The following JPH4 variants were observed in gnomAD, a reference collection of about 807,000 sequenced individuals.
JPH4 encodes the protein junctophilin 4, also known as junctophilin-4.
A neutral mutation model predicts 57.6 loss-of-function variants in JPH4; 18 were observed. The observed-to-expected ratio is 0.31, with a 90% CI of 0.22 to 0.46. The LOEUF is 0.46. JPH4 is among the 20% of genes least tolerant of loss of function. The pLI is 1.00. For missense variants in JPH4, 727 were observed against 911.1 expected (o/e 0.80, Z 2.60); for synonymous variants, 425 against 406.6 (o/e 1.05, Z -0.54).
chr14:23,578,719 G>C lies in JPH4; in HGVS notation c.-711C>G. 1 of 151,914 alleles carries C rather than the reference G, an allele frequency of 6.6e-6. No individual in the cohort carries two copies. The highest frequency in any genetic ancestry group is 1.5e-5 in the Non-Finnish European group (1 of 68,198). 9.4% of individuals were successfully genotyped at this position (151,914 alleles called of 1,614,324 possible). ...TTGCGGGTGGTGGTGGGGTCCCCAAGCAGAAAAGGATGGGTGTCCGCTAAC... is the reference window on the plus strand; with the variant it reads ...TTGCGGGTGGTGGTGGGGTCCCCAACCAGAAAAGGATGGGTGTCCGCTAAC... On this transcript the variant is annotated 5_prime_UTR_variant, in exon 1 of 6. Transcript: ENST00000356300.
At position 23,576,932 on chromosome 14, in the gene JPH4, TG is replaced by T; in HGVS notation, c.379+142del. The T allele has an allele frequency of 1.1e-6, 1 of 934,604 alleles. No homozygotes were observed. The highest frequency in any genetic ancestry group is 2.1e-5 in the South Asian group (1 of 48,506). The allele number at this position is 934,604 out of a possible 1,614,324, so 57.9% of individuals were successfully genotyped here. On this transcript the variant is annotated intron_variant, in intron 2 of 5. Coordinates refer to ENST00000356300, the MANE Select transcript of JPH4 (RefSeq NM_001146028.2). This position sits in a 1 kb window ranked among gnomAD's most constrained non-coding sequence, Gnocchi z 8.0. ...AATCATGGTGGGAGAGAGCAGAAAT[TG>T]GGGGCTGGGGGTCACATCGATGGGG...
Position 23,569,309 on chromosome 14 carries a change from G to A in JPH4, c.*325C>T, listed in dbSNP as rs1474509314. ...AAAAGGTGGGAGGGCGTGGAGCAATGGTCTGACTTAGATTTGTGTGTCTCA... is the reference window on the plus strand; with the variant it reads ...AAAAGGTGGGAGGGCGTGGAGCAATAGTCTGACTTAGATTTGTGTGTCTCA... On this transcript the variant is annotated 3_prime_UTR_variant, in exon 6 of 6. Transcript: ENST00000356300. The surrounding 1 kb of genome is among the most constrained non-coding windows in gnomAD (Gnocchi z 4.8). The A allele has an allele frequency of 8.7e-6, 3 of 345,400 alleles. No individual in the cohort carries two copies. In the East Asian group the frequency reaches 2.4e-4, roughly 28 times the overall value. 21.4% of individuals were successfully genotyped at this position (345,400 alleles called of 1,614,324 possible). A position where few individuals can be genotyped will look rare whatever the true frequency, so the allele number is the denominator to read the frequency against.
At position 23,569,823 on chromosome 14, in the gene JPH4, A is replaced by T. The variant is rs1300870314; in HGVS notation, c.1804-106T>A. 5.9e-6 allele frequency: 4 copies of T among 676,298 alleles called. No individual in the cohort carries two copies. In the East Asian group the frequency reaches 1.1e-4, roughly 19 times the overall value. 41.9% of individuals were successfully genotyped at this position (676,298 alleles called of 1,614,324 possible). A position where few individuals can be genotyped will look rare whatever the true frequency, so the allele number is the denominator to read the frequency against. On this transcript the variant is annotated intron_variant, in intron 5 of 5. Coordinates refer to ENST00000356300, the MANE Select transcript of JPH4 (RefSeq NM_001146028.2). This position sits in a 1 kb window ranked among gnomAD's most constrained non-coding sequence, Gnocchi z 4.8. ...AAGGGTCTCAGGCACCTCCCTGCAC[A>T]GCCTGGAGCAGGGGGATCGCCAACA...
rs567908782 is a variant in JPH4 at position 23,569,424 on chromosome 14, T to A, written c.*210A>T. 16 of 569,138 alleles carry A rather than the reference T, an allele frequency of 2.8e-5. No homozygotes were observed. In the African/African-American group the frequency reaches 3.1e-4, roughly 11 times the overall value. 35.3% of individuals were successfully genotyped at this position (569,138 alleles called of 1,614,324 possible). A position where few individuals can be genotyped will look rare whatever the true frequency, so the allele number is the denominator to read the frequency against. On this transcript the variant is annotated 3_prime_UTR_variant, in exon 6 of 6. Coordinates refer to ENST00000356300, the MANE Select transcript of JPH4 (RefSeq NM_001146028.2). The surrounding 1 kb of genome is among the most constrained non-coding windows in gnomAD (Gnocchi z 4.8). ...TTGGGATGGGGAAGGGAGTGAGGAA[T>A]ACAGAGACAGATCCAGAAGAAATGA...
chr14:23,575,692 C>T lies in JPH4; in HGVS notation c.1144G>A (p.Ala382Thr), dbSNP rs747889442. The T allele has an allele frequency of 5.0e-6, 8 of 1,601,690 alleles. No individual in the cohort carries two copies. The highest frequency in any genetic ancestry group is 3.4e-5 in the South Asian group (3 of 88,818). The stretch of plus-strand genomic sequence containing the variant: ...TCTGAACTGGACGCCCACCTGGCAG[C>T]GGCGATCTCCTGGCGCTGACGGGCA... ...SAARQRQEIA[A>T]ARAADALLKA... Residue 382 changes from alanine (A) to threonine (T), a missense_variant, in exon 3 of 6, where the codon GCT (alanine) becomes ACT (threonine). Ala to Thr is a moderately conservative substitution (Grantham distance 58). This residue lies in a region of JPH4 where 112 missense variants were observed against 199.4 expected (regional missense o/e 0.56). Transcript: ENST00000356300. The surrounding 1 kb of genome is among the most constrained non-coding windows in gnomAD (Gnocchi z 6.9).
rs1376779732 is a variant in JPH4, at chr14:23,568,158, G to T, written c.*1476C>A. On this transcript the variant is annotated 3_prime_UTR_variant, in exon 6 of 6. Transcript: ENST00000356300. ...CTTCAATCCCAAATTCCATGAAATA[G>T]AAATCAGAAGTAAAGGTTGAGAGGG... is the stretch of plus-strand genomic sequence containing the variant. 4.1e-6 allele frequency: 4 copies of T among 985,840 alleles called. No homozygotes were observed. The East Asian group carries it at 3.4e-4, about 84-fold the overall frequency. 61.1% of individuals were successfully genotyped at this position (985,840 alleles called of 1,614,324 possible).
chr14:23,572,187 G>A (rs1181299400), intron 3 of JPH4, among the ~76,000 whole-genome samples: 1 of 152,062 alleles, frequency 6.6e-6, no homozygotes, highest in African/African-American at 2.4e-5. Context: ...GCTACGTCCT[G>A]TAGTAACACT....
Position 23,571,746 on chromosome 14 carries a change from G to A in JPH4, c.1270+56C>T. The A allele has an allele frequency of 6.7e-7, 1 of 1,483,304 alleles. No individual in the cohort carries two copies. The highest frequency in any genetic ancestry group is 9.3e-7 in the Non-Finnish European group (1 of 1,070,336). The allele number at this position is 1,483,304 out of a possible 1,614,324, so 91.9% of individuals were successfully genotyped here. A position where few individuals can be genotyped will look rare whatever the true frequency, so the allele number is the denominator to read the frequency against. On this transcript the variant is annotated intron_variant, in intron 4 of 5. Transcript: ENST00000356300. The surrounding 1 kb of genome is among the most constrained non-coding windows in gnomAD (Gnocchi z 4.6). ...TTCTCATCTGTTTCCCCACACCTGA[G>A]CCTCTCTAGCTCCCTAGGGGCCTCA...
In JPH4 at chr14:23,568,730, A is replaced by T; in HGVS notation, c.*904T>A. 1.0e-6 allele frequency: 1 copy of T among 985,956 alleles called. No homozygotes were observed. The highest frequency in any genetic ancestry group is 1.2e-6 in the Non-Finnish European group (1 of 830,000). The allele number at this position is 985,956 out of a possible 1,614,324, so 61.1% of individuals were successfully genotyped here. ...TCAAGTGCCTCTAACCCTCTGCAGT[A>T]GAAATGTCTTCTTCAGGCCCCTTAG... On this transcript the variant is annotated 3_prime_UTR_variant, in exon 6 of 6. Transcript: ENST00000356300.
chr14:23,576,215 C>A lies in JPH4; in HGVS notation c.621G>T (p.Ser207=), dbSNP rs562619796. ...LAGPGDADGA[S]SRKRTPAAGG... The stretch of plus-strand genomic sequence containing the variant: ...CGGCCGCCGGAGTGCGCTTTCGGGA[C>A]GACGCGCCGTCGGCGTCCCCGGGCC... The change falls in exon 3 of 6, where the codon TCG becomes TCT. Residue 207 remains serine (S), a synonymous_variant. Transcript: ENST00000356300. This position sits in a 1 kb window ranked among gnomAD's most constrained non-coding sequence, Gnocchi z 8.0. The A allele has an allele frequency of 5.2e-3, 6,574 of 1,275,788 alleles. 27 individuals carry two copies. The highest frequency in any genetic ancestry group is 0.011 in the Middle Eastern group (38 of 3,364). The allele number at this position is 1,275,788 out of a possible 1,614,324, so 79.0% of individuals were successfully genotyped here.
rs939876888 is a variant in JPH4 at position 23,569,603 on chromosome 14, A to T, written c.*31T>A. ...GGTCAAAGGGGTGAAGAGGCACGCA[A>T]CCAAAGCCAGAACCAGGCCAGGAAG... On this transcript the variant is annotated 3_prime_UTR_variant, in exon 6 of 6. Transcript: ENST00000356300. The surrounding 1 kb of genome is among the most constrained non-coding windows in gnomAD (Gnocchi z 4.8). 29 of 1,519,814 alleles carry T rather than the reference A, an allele frequency of 1.9e-5. No individual in the cohort carries two copies. The Admixed American group carries it at 2.7e-4, about 14-fold the overall frequency. The allele number at this position is 1,519,814 out of a possible 1,614,324, so 94.1% of individuals were successfully genotyped here. A position where few individuals can be genotyped will look rare whatever the true frequency, so the allele number is the denominator to read the frequency against.
intron 3 of JPH4, chr14:23,572,854 GGC>G (rs1421547313): frequency 2.8e-6 from 2 of 702,398 alleles, no homozygotes; most frequent in African/African-American, 3.5e-5. Context: ...CTTAGGTGCA[GGC>G]AGCCTGGGAG....
rs1218115175 is a variant in JPH4, at chr14:23,578,672, TGAA to T, written c.-667_-665del. On this transcript the variant is annotated 5_prime_UTR_variant, in exon 1 of 6. Transcript: ENST00000356300. ...AGAGGGTGGGTAGAGAAGGATACGG[TGAA>T]GAAGAGACAGCGGCAGTGTTGCGGG... is the stretch of plus-strand genomic sequence containing the variant. 1.3e-5 allele frequency: 2 copies of T among 150,384 alleles called. No individual in the cohort carries two copies. The highest frequency in any genetic ancestry group is 6.6e-5 in the Admixed American group (1 of 15,068). The allele number at this position is 150,384 out of a possible 1,614,324, so 9.3% of individuals were successfully genotyped here.
rs1889128230 is a variant in JPH4 at position 23,571,119 on chromosome 14, TGTC to T, written c.1609_1611del (p.Asp537del). On this transcript the variant is annotated inframe_deletion, in exon 5 of 6. Coordinates refer to ENST00000356300, the MANE Select transcript of JPH4 (RefSeq NM_001146028.2). This position sits in a 1 kb window ranked among gnomAD's most constrained non-coding sequence, Gnocchi z 4.6. ...TCCTCCTCTCGAAGACTTCCTGAAC[TGTC>T]GCTGCAGCCTCCGAGGAGTGGGGAA... 1 of 1,613,984 alleles carries T rather than the reference TGTC, an allele frequency of 6.2e-7. No homozygotes were observed. Among genetic ancestry groups the T allele is most frequent in the Admixed American group, 1.7e-5 (1 of 59,996 alleles).
Position 23,576,098 on chromosome 14 carries a change from G to A in JPH4, c.738C>T (p.Ser246=). ...SLGSKRGSLR[S]EVSSEVGSTG... is the part of the protein sequence containing the mutation. Reference sequence around the variant, plus strand: ...TGCTGCCCACCTCGCTGCTCACCTCGCTGCGCAGGGAGCCTCGCTTGCTGC... The same window carrying A: ...TGCTGCCCACCTCGCTGCTCACCTCACTGCGCAGGGAGCCTCGCTTGCTGC... Residue 246 remains serine (S), a synonymous_variant, in exon 3 of 6, where the codon AGC becomes AGT. Coordinates refer to ENST00000356300, the MANE Select transcript of JPH4 (RefSeq NM_001146028.2). This position sits in a 1 kb window ranked among gnomAD's most constrained non-coding sequence, Gnocchi z 8.0. 7.7e-7 allele frequency: 1 copy of A among 1,299,950 alleles called. No individual in the cohort carries two copies. 80.5% of individuals were successfully genotyped at this position (1,299,950 alleles called of 1,614,324 possible).
chr14:23,571,565 G>A lies in JPH4; in HGVS notation c.1271-105C>T. On this transcript the variant is annotated intron_variant, in intron 4 of 5. Transcript: ENST00000356300. The surrounding 1 kb of genome is among the most constrained non-coding windows in gnomAD (Gnocchi z 4.6). ...ACTTCCCAGGACTTTGGAATTCCCA[G>A]GCTCATAGCCTCTCACCGCCAGACC... 7.2e-7 allele frequency: 1 copy of A among 1,385,452 alleles called. No individual in the cohort carries two copies. Among genetic ancestry groups the A allele is most frequent in the Non-Finnish European group, 9.8e-7 (1 of 1,020,310 alleles). 85.8% of individuals were successfully genotyped at this position (1,385,452 alleles called of 1,614,324 possible).
In JPH4 at chr14:23,571,272, C is replaced by A; in HGVS notation, c.1459G>T (p.Gly487Cys). Reference sequence around the variant, plus strand: ...CAAGCTTTGGGGCTGGAGAAGGGACCCTGGTCCCCTCCAGGAGGCAGTGGG... The same window carrying A: ...CAAGCTTTGGGGCTGGAGAAGGGACACTGGTCCCCTCCAGGAGGCAGTGGG... ...RSPLPPGGDQ[G>C]PFSSPKAWPE... Residue 487 changes from glycine to cysteine, a missense_variant, in exon 5 of 6, where the codon GGT becomes TGT. Physicochemically the swap from Gly to Cys is radical, Grantham distance 159 (BLOSUM62 -3). Around this residue, in one of 7 missense-constraint regions of JPH4, gnomAD observed 293 missense variants for 279.8 expected, o/e 1.05. Coordinates refer to ENST00000356300, the MANE Select transcript of JPH4 (RefSeq NM_001146028.2). This position sits in a 1 kb window ranked among gnomAD's most constrained non-coding sequence, Gnocchi z 4.6. 6.2e-7 allele frequency: 1 copy of A among 1,603,596 alleles called. No individual in the cohort carries two copies. Among genetic ancestry groups the A allele is most frequent in the Non-Finnish European group, 8.5e-7 (1 of 1,174,636 alleles).
At position 23,569,689 on chromosome 14, in the gene JPH4, G is replaced by A; in HGVS notation, c.1832C>T (p.Ala611Val). 6.4e-7 allele frequency: 1 copy of A among 1,551,804 alleles called. No individual in the cohort carries two copies. Among genetic ancestry groups the A allele is most frequent in the Non-Finnish European group, 8.7e-7 (1 of 1,147,410 alleles). ...PGAANPLVVG[A>V]VALLDLSLAF... ...CAGGCTGAGGTCCAGGAGGGCCACG[G>A]CTCCCACCACCAGGGGGTTGGCAGC... The change falls in exon 6 of 6, where the codon GCC becomes GTC. Residue 611 changes from alanine (A) to valine (V), a missense_variant. By Grantham distance (64) the Ala-to-Val change is moderately conservative (BLOSUM62 0). Transcript: ENST00000356300. This position sits in a 1 kb window ranked among gnomAD's most constrained non-coding sequence, Gnocchi z 4.8.
chr14:23,570,654 G>A lies in JPH4; in HGVS notation c.1803+274C>T, dbSNP rs534872970. Among the ~76,000 whole-genome samples, 4 of 152,132 alleles carry A rather than the reference G, an allele frequency of 2.6e-5. No individual in the cohort carries two copies. The East Asian group carries it at 7.8e-4, about 30-fold the overall frequency. ...CTCCCAAAGTGTTGGGATTACAGGCGTGAGCCACCGCGCCCGGCCTGGGCA... is the reference window on the plus strand; with the variant it reads ...CTCCCAAAGTGTTGGGATTACAGGCATGAGCCACCGCGCCCGGCCTGGGCA... On this transcript the variant is annotated intron_variant, in intron 5 of 5. Transcript: ENST00000356300.
Sources: gnomAD v4.1 joint callset for allele counts (sites outside exome capture counted in the v4.1 genomes callset) on GRCh38, gnomAD v4.1.1 for gene constraint, gnomAD v4.1.1 regional missense constraint, Gnocchi (gnomAD v3.1) non-coding constraint, MANE v1.5 for transcripts, NCBI Gene and HGNC (gene_info 2026-07-23, HGNC 2026-07-21) for gene names.